LRRC51: variants seen among roughly 807,000 people sequenced by gnomAD.
The protein encoded by LRRC51 is leucine-rich repeat-containing protein 51.
In LRRC51, 8 loss-of-function variants were observed where a neutral mutation model predicts 17.8. That is an observed-to-expected ratio of 0.45 (90% CI 0.26 to 0.81). The LOEUF (loss-of-function observed/expected upper bound fraction) is 0.81. Among genes scored for constraint, LRRC51 ranks in the 30% least tolerant of loss-of-function variants. The probability of loss-of-function intolerance (pLI) is 0.17; values close to 1 mark genes in which losing one functional copy is unlikely to be tolerated. For missense variants in LRRC51, 233 were observed against 239.3 expected (o/e 0.97, Z 0.17); for synonymous variants, 92 against 96.0 (o/e 0.96, Z 0.24).
rs1944988011 is a variant in LRRC51 at position 72,093,569 on chromosome 11, G to C, written c.156G>C (p.Gln52His). 1 of 1,614,204 alleles carries C rather than the reference G, an allele frequency of 6.2e-7. No individual in the cohort carries two copies. The highest frequency in any genetic ancestry group is 8.5e-7 in the Non-Finnish European group (1 of 1,180,038). ...CAAAGTCGGGGAAATCACTGACCCAGTCCCTGTGGCTGAATAACAATGTTC... is the reference window on the plus strand; with the variant it reads ...CAAAGTCGGGGAAATCACTGACCCACTCCCTGTGGCTGAATAACAATGTTC... ...KRSKSGKSLT[Q>H]SLWLNNNVLN... The change falls in exon 4 of 6, where the codon CAG becomes CAC. Residue 52 changes from glutamine to histidine, a missense_variant. Transcript: ENST00000289488.
intron 1 of LRRC51, chr11:72,083,870 G>C (rs1458750704): frequency 6.6e-6 from 1 of 152,242 alleles, no homozygotes; most frequent in Non-Finnish European, 1.5e-5. Flanking sequence ...CATTTGGCTA[G>C]ACTGCAGAAT....
intron 3 of LRRC51, among the ~76,000 whole-genome samples, chr11:72,090,667 G>A (rs1486124182): frequency 5.3e-5 from 8 of 152,092 alleles, no homozygotes; most frequent in Admixed American, 5.2e-4. Flanking sequence ...CACACTATTT[G>A]GTGAATGAAT....
intron 1 of LRRC51, 28 bp from the exon 2 acceptor site, chr11:72,088,269 A>G: frequency 1.5e-6 from 1 of 673,474 alleles, no homozygotes; most frequent in Middle Eastern, 2.4e-4. Flanking sequence ...CAAGTGACTG[A>G]TAACAACATT....
chr11:72,095,330 AG>A (rs1945124695), intron 5 of LRRC51, 48 bp from the exon 6 acceptor site: 1 of 1,612,928 alleles, frequency 6.2e-7, no homozygotes. Flanking sequence ...TGGAGGGGGA[AG>A]GGGATTCTGG....
rs565774423 is a variant in LRRC51, at chr11:72,094,846, G to C, written c.289-102G>C. ...TGTGGAGGGTTGGAGTGGAGGGCAGGTTGTTCCCCACATTCTTCCTTCTCT... is the reference window on the plus strand; with the variant it reads ...TGTGGAGGGTTGGAGTGGAGGGCAGCTTGTTCCCCACATTCTTCCTTCTCT... On this transcript the variant is annotated intron_variant, in intron 4 of 5. Coordinates refer to ENST00000289488, the MANE Select transcript of LRRC51 (RefSeq NM_145309.6). The C allele has an allele frequency of 4.0e-5, 65 of 1,612,492 alleles. No homozygotes were observed. The East Asian group carries it at 1.4e-3, about 34-fold the overall frequency.
chr11:72,095,144 G>A, intron 5 of LRRC51, 48 bp downstream of exon 5: 1 of 1,603,470 alleles, frequency 6.2e-7, no homozygotes, highest in Non-Finnish European at 8.5e-7. Flanking sequence ...CTCCCCTAAA[G>A]GAAAGGAGGA....
chr11:72,089,365 C>G, intron 3 of LRRC51, 200 bp downstream of exon 3: 5 of 1,486,780 alleles, frequency 3.4e-6, no homozygotes, highest in Non-Finnish European at 4.5e-6. Context: ...TGCCCCGATA[C>G]AGCCCCAGGA....
At chr11:72,084,142 G>A (rs1014798758) in intron 1 of LRRC51, among the ~76,000 whole-genome samples, 6 of 152,160 alleles carry the variant, frequency 3.9e-5, no homozygotes, top group Non-Finnish European at 7.4e-5. Flanking sequence ...GACTATAGGC[G>A]TGAGCTGCCA....
At chr11:72,093,086 C>T (rs1944958058) in intron 3 of LRRC51, among the ~76,000 whole-genome samples, 1 of 152,232 alleles carries the variant, frequency 6.6e-6, no homozygotes, top group Admixed American at 6.5e-5. Flanking sequence ...GAAAGAGAGA[C>T]AGGATATCAA....
At chr11:72,086,688 G>GA (rs1426723081) in intron 1 of LRRC51, among the ~76,000 whole-genome samples, 2 of 152,180 alleles carry the variant, frequency 1.3e-5, no homozygotes, top group Non-Finnish European at 2.9e-5. Context: ...AATCCATTCA[G>GA]AAAATGCAAC....
intron 3 of LRRC51, chr11:72,089,653 C>A: frequency 9.2e-7 from 1 of 1,091,828 alleles, no homozygotes; most frequent in Non-Finnish European, 1.1e-6. Flanking sequence ...ACTGGCCAAA[C>A]ATGAGGGGTC....
intron 4 of LRRC51, 71 bp downstream of exon 4, chr11:72,093,772 C>G (rs1362430709): frequency 5.1e-6 from 7 of 1,359,226 alleles, no homozygotes; most frequent in Non-Finnish European, 6.3e-6. Flanking sequence ...AACCTCTCCA[C>G]TCCTACATGT....
At chr11:72,081,168 A>C (rs1944161164) in intron 1 of LRRC51, among the ~76,000 whole-genome samples, 1 of 152,204 alleles carries the variant, frequency 6.6e-6, no homozygotes, top group African/African-American at 2.4e-5. Flanking sequence ...CACGCCTGTA[A>C]TCCCAACACT....
At chr11:72,082,176 G>T (rs1307585005) in intron 1 of LRRC51, among the ~76,000 whole-genome samples, 1 of 152,144 alleles carries the variant, frequency 6.6e-6, no homozygotes, top group Non-Finnish European at 1.5e-5. Flanking sequence ...CTTTTAATGG[G>T]GAAAAGGAAC....
In LRRC51 at chr11:72,093,620, G is replaced by A; in HGVS notation, c.207G>A (p.Gln69=). 6.2e-7 allele frequency: 1 copy of A among 1,614,204 alleles called. No individual in the cohort carries two copies. Among genetic ancestry groups the A allele is most frequent in the African/African-American group, 1.3e-5 (1 of 75,038 alleles). ...TCAATGATCTGAGAGACTTCAACCA[G>A]GTGGCTTCACAGCTGTTGGAGCACC... ...NVLNDLRDFN[Q]VASQLLEHPE... is the part of the protein sequence containing the mutation. Residue 69 remains glutamine, a synonymous_variant, in exon 4 of 6, where the codon CAG becomes CAA. Coordinates refer to ENST00000289488, the MANE Select transcript of LRRC51 (RefSeq NM_145309.6).
chr11:72,096,753 G>T lies in LRRC51; in HGVS notation c.*1233G>T. On this transcript the variant is annotated 3_prime_UTR_variant, in exon 6 of 6. Coordinates refer to ENST00000289488, the MANE Select transcript of LRRC51 (RefSeq NM_145309.6). ...CAGGGTCTGTAGAGATGCCTCACAG[G>T]CCTCCATGACAGGCCAAGAAGATGG... 6.6e-7 allele frequency: 1 copy of T among 1,510,580 alleles called. No homozygotes were observed. The highest frequency in any genetic ancestry group is 8.9e-7 in the Non-Finnish European group (1 of 1,123,616). 93.6% of individuals were successfully genotyped at this position (1,510,580 alleles called of 1,614,324 possible).
intron 4 of LRRC51, chr11:72,094,708 G>A (rs1422665236): frequency 6.4e-6 from 5 of 777,482 alleles, no homozygotes; most frequent in Admixed American, 2.0e-5. Flanking sequence ...GTCAGTGGCA[G>A]TGCTGGTACC....
intron 1 of LRRC51, chr11:72,086,173 G>T: frequency 1.9e-6 from 1 of 516,738 alleles, no homozygotes; most frequent in Non-Finnish European, 3.4e-6. Flanking sequence ...GAAAAGAAAG[G>T]CTTTATAGAA....
intron 1 of LRRC51, among the ~76,000 whole-genome samples, chr11:72,084,237 C>G (rs1195356237): frequency 6.6e-6 from 1 of 152,132 alleles, no homozygotes; most frequent in Non-Finnish European, 1.5e-5. Context: ...ACTCTCGGGC[C>G]AGGCTGTTGA....
Sources: gnomAD v4.1 joint callset for allele counts (sites outside exome capture counted in the v4.1 genomes callset) on GRCh38, gnomAD v4.1.1 for gene constraint, MANE v1.5 for transcripts, NCBI Gene and HGNC (gene_info 2026-07-23, HGNC 2026-07-21) for gene names.